Variants in HRK observed in about 807,000 individuals in gnomAD.
The protein encoded by HRK is activator of apoptosis harakiri.
HRK carries 6 observed loss-of-function variants against 5.9 expected under a neutral mutation model. That is an observed-to-expected ratio of 1.02 (90% CI 0.56 to 2.01). The LOEUF is 2.01. Among genes scored for constraint, HRK ranks in the 30% most tolerant of loss-of-function variants. HRK has a pLI of 0.00. For missense variants in HRK, 133 were observed against 128.3 expected, an observed-to-expected ratio of 1.04 and a Z score of -0.18; for synonymous variants, 85 against 65.1, an observed-to-expected ratio of 1.31 and a Z score of -1.47.
At chr12:116,875,128 T>G (rs762471488) in intron 1 of HRK, among the ~76,000 whole-genome samples, 5 of 152,204 alleles carry the variant, frequency 3.3e-5, no homozygotes, top group Non-Finnish European at 7.3e-5. Flanking sequence ...TTACATTGTA[T>G]TGGGTATTAT....
In HRK at chr12:116,880,993, TG is replaced by T; in HGVS notation, c.*38del. ...TCGCGTACCTGTTGCTCGCTCCGGC[TG>T]GGTCTCGGCTCCGGCCCCACCAAGA... On this transcript the variant is annotated 3_prime_UTR_variant, in exon 1 of 2. Transcript: ENST00000257572. 1.6e-6 allele frequency: 2 copies of T among 1,255,472 alleles called. No individual in the cohort carries two copies. Among genetic ancestry groups the T allele is most frequent in the Non-Finnish European group, 1.0e-6 (1 of 988,732 alleles). The allele number at this position is 1,255,472 out of a possible 1,614,324, so 77.8% of individuals were successfully genotyped here. A position where few individuals can be genotyped will look rare whatever the true frequency, so the allele number is the denominator to read the frequency against.
At position 116,857,948 on chromosome 12, in the gene HRK, G is replaced by A. The variant is rs897873094; in HGVS notation, c.*3575C>T. On this transcript the variant is annotated 3_prime_UTR_variant, in exon 2 of 2. Coordinates refer to ENST00000257572, the MANE Select transcript of HRK (RefSeq NM_003806.4). The stretch of plus-strand genomic sequence containing the variant: ...GGGTGCCTGTAATCCCAGCTACTCA[G>A]GAGGCTGAGGCAGGAGAATCGCTTG... 1.3e-5 allele frequency: 2 copies of A among 152,184 alleles called. No homozygotes were observed. Among genetic ancestry groups the A allele is most frequent in the African/African-American group, 4.8e-5 (2 of 41,400 alleles). The allele number at this position is 152,184 out of a possible 1,614,324, so 9.4% of individuals were successfully genotyped here.
In HRK at chr12:116,879,358, T is replaced by C. The variant is rs554759298; in HGVS notation, c.*56+1618A>G. The stretch of plus-strand genomic sequence containing the variant: ...TCCCCAAACTTCTTGTCCCTCCCCA[T>C]CTCGTCGCTTGTTTTTTCTCTTCCT... On this transcript the variant is annotated intron_variant, in intron 1 of 1. Coordinates refer to ENST00000257572, the MANE Select transcript of HRK (RefSeq NM_003806.4). The surrounding 1 kb of genome is among the most constrained non-coding windows in gnomAD (Gnocchi z 5.6). 1.3e-5 allele frequency: 2 copies of C among 152,412 alleles called. No individual in the cohort carries two copies. The highest frequency in any genetic ancestry group is 4.1e-4 in the South Asian group (2 of 4,826). The allele number at this position is 152,412 out of a possible 1,614,324, so 9.4% of individuals were successfully genotyped here.
chr12:116,881,050 G>T lies in HRK; in HGVS notation c.258C>A (p.Leu86=), dbSNP rs1372439574. ...AQVAALAAWL[L]GRRNL ...CGCGTTCCTACAAGTTCCGCCTGCC[G>T]AGCAGCCAGGCCGCCAGCGCCGCCA... Residue 86 remains leucine (L), a synonymous_variant, in exon 1 of 2, where the codon CTC becomes CTA. Transcript: ENST00000257572. 1 of 1,358,128 alleles carries T rather than the reference G, an allele frequency of 7.4e-7. No homozygotes were observed. Among genetic ancestry groups the T allele is most frequent in the Non-Finnish European group, 9.5e-7 (1 of 1,055,258 alleles). 84.1% of individuals were successfully genotyped at this position (1,358,128 alleles called of 1,614,324 possible).
chr12:116,865,261 G>C (rs942047838), intron 1 of HRK, among the ~76,000 whole-genome samples: 7 of 152,138 alleles, frequency 4.6e-5, no homozygotes, highest in African/African-American at 1.7e-4. Context: ...AAAAACCTTG[G>C]CCGGGTGTGG....
chr12:116,879,768 C>T lies in HRK; in HGVS notation c.*56+1208G>A, dbSNP rs1879073368. On this transcript the variant is annotated intron_variant, in intron 1 of 1. Coordinates refer to ENST00000257572, the MANE Select transcript of HRK (RefSeq NM_003806.4). The surrounding 1 kb of genome is among the most constrained non-coding windows in gnomAD (Gnocchi z 5.6). ...CCCACGCTCCGGCTGCCGCCTTTCC[C>T]CGCGGGCGCAGACGCTCGGGCCTCG... Among the ~76,000 whole-genome samples, 1 of 152,224 alleles carries T rather than the reference C, an allele frequency of 6.6e-6. No homozygotes were observed.
At position 116,881,435 on chromosome 12, in the gene HRK, G is replaced by A. The variant is rs1879157614; in HGVS notation, c.-128C>T. Reference sequence around the variant, plus strand: ...CCCTGGACACCAAGTTTCTCCTTGTGTTGTGCGTTTGTTGTGCTGACGGCG... The same window carrying A: ...CCCTGGACACCAAGTTTCTCCTTGTATTGTGCGTTTGTTGTGCTGACGGCG... On this transcript the variant is annotated 5_prime_UTR_variant, in exon 1 of 2. Transcript: ENST00000257572. 2.4e-6 allele frequency: 2 copies of A among 819,180 alleles called. No homozygotes were observed. The highest frequency in any genetic ancestry group is 1.9e-5 in the African/African-American group (1 of 53,614). 50.7% of individuals were successfully genotyped at this position (819,180 alleles called of 1,614,324 possible). A position where few individuals can be genotyped will look rare whatever the true frequency, so the allele number is the denominator to read the frequency against.
intron 1 of HRK, among the ~76,000 whole-genome samples, chr12:116,877,667 T>C (rs1878986062): frequency 1.3e-5 from 2 of 152,232 alleles, no homozygotes; most frequent in Non-Finnish European, 2.9e-5. Context: ...GTATATCCAC[T>C]GTTCTAGAGC....
At chr12:116,876,671 C>T (rs1332230822) in intron 1 of HRK, 1 of 152,300 alleles carries the variant, frequency 6.6e-6, no homozygotes, top group Non-Finnish European at 1.5e-5. Context: ...CCTCCCACGC[C>T]TCCGCCAGCC....
rs1465956265 is a variant in HRK, at chr12:116,878,773, GAGA to G, written c.*56+2200_*56+2202del. ...CGCCCGGGCGGGACAAGGCAGGTAG[GAGA>G]AGAACCCAGAGGTGTGGGAAGAGGG... On this transcript the variant is annotated intron_variant, in intron 1 of 1. Transcript: ENST00000257572. This position sits in a 1 kb window ranked among gnomAD's most constrained non-coding sequence, Gnocchi z 4.4. Among the ~76,000 whole-genome samples the G allele has an allele frequency of 6.6e-6, 1 of 152,200 alleles. No homozygotes were observed. Among genetic ancestry groups the G allele is most frequent in the Non-Finnish European group, 1.5e-5 (1 of 68,020 alleles).
In HRK at chr12:116,862,623, T is replaced by A. The variant is rs1427513436; in HGVS notation, c.*57-1157A>T. Among the ~76,000 whole-genome samples the A allele has an allele frequency of 6.6e-6, 1 of 152,100 alleles. No individual in the cohort carries two copies. Among genetic ancestry groups the A allele is most frequent in the East Asian group, 1.9e-4 (1 of 5,180 alleles). On this transcript the variant is annotated intron_variant, in intron 1 of 1. Transcript: ENST00000257572. The surrounding 1 kb of genome is among the most constrained non-coding windows in gnomAD (Gnocchi z 4.0). ...GGGGTTTCTTTCAGGGAAACGAAAA[T>A]TTTCCAAAGTTGACTGTGAAGATGG...
chr12:116,881,403 G>A lies in HRK; in HGVS notation c.-96C>T, dbSNP rs1879155751. ...GCTGCCGCCGCGCTCCAGCCGCCGG[G>A]GGCCTCCCCTGGACACCAAGTTTCT... On this transcript the variant is annotated 5_prime_UTR_variant, in exon 1 of 2. Transcript: ENST00000257572. 1.0e-6 allele frequency: 1 copy of A among 988,336 alleles called. No homozygotes were observed. Among genetic ancestry groups the A allele is most frequent in the Non-Finnish European group, 1.2e-6 (1 of 826,106 alleles). The allele number at this position is 988,336 out of a possible 1,614,324, so 61.2% of individuals were successfully genotyped here.
intron 1 of HRK, among the ~76,000 whole-genome samples, chr12:116,877,914 AATT>A (rs1243198549): frequency 2.0e-5 from 3 of 152,224 alleles, no homozygotes; most frequent in African/African-American, 7.2e-5. Flanking sequence ...ATATGTTTTA[AATT>A]ATTATTGAGA....
rs1879080135 is a variant in HRK at position 116,879,895 on chromosome 12, C to T, written c.*56+1081G>A. Among the ~76,000 whole-genome samples the T allele has an allele frequency of 6.6e-6, 1 of 152,220 alleles. No homozygotes were observed. Among genetic ancestry groups the T allele is most frequent in the Admixed American group, 6.5e-5 (1 of 15,286 alleles). ...TGGCTATGTCACCTTCGAGCTTCAC[C>T]TTCCGGCCCTAGACCCATCTATGGT... On this transcript the variant is annotated intron_variant, in intron 1 of 1. Coordinates refer to ENST00000257572, the MANE Select transcript of HRK (RefSeq NM_003806.4). The surrounding 1 kb of genome is among the most constrained non-coding windows in gnomAD (Gnocchi z 5.6).
Position 116,864,501 on chromosome 12 carries a change from G to A in HRK, c.*57-3035C>T, listed in dbSNP as rs139468148. 1.1e-4 allele frequency among the ~76,000 whole-genome samples: 16 copies of A among 152,266 alleles called. No individual in the cohort carries two copies. The East Asian group carries it at 2.7e-3, about 26-fold the overall frequency. ...ACAATTACCAGGGAAGCTTCAGCGC[G>A]GACCCAGGATTTGATCAGGACCTAG... On this transcript the variant is annotated intron_variant, in intron 1 of 1. Coordinates refer to ENST00000257572, the MANE Select transcript of HRK (RefSeq NM_003806.4).
At chr12:116,880,216 C>CG (rs1879093564) in intron 1 of HRK, among the ~76,000 whole-genome samples, 1 of 152,240 alleles carries the variant, frequency 6.6e-6, no homozygotes, top group Non-Finnish European at 1.5e-5. Context: ...TTCCTTAAGG[C>CG]TTCCCATTGG....
intron 1 of HRK, among the ~76,000 whole-genome samples, chr12:116,874,320 A>G (rs1246719483): frequency 6.6e-6 from 1 of 152,108 alleles, no homozygotes; most frequent in Non-Finnish European, 1.5e-5. Context: ...CTCTCTTCCC[A>G]AAACACCTTT....
intron 1 of HRK, among the ~76,000 whole-genome samples, chr12:116,863,244 C>T (rs1878428761): frequency 1.3e-5 from 2 of 152,126 alleles, no homozygotes; most frequent in Non-Finnish European, 1.5e-5. Flanking sequence ...CAGCTGGTAC[C>T]CTTGACTTCT....
At chr12:116,865,597 T>G (rs550962549) in intron 1 of HRK, among the ~76,000 whole-genome samples, 1 of 152,122 alleles carries the variant, frequency 6.6e-6, no homozygotes, top group Non-Finnish European at 1.5e-5. Flanking sequence ...AGTGATAAGT[T>G]ACAAATTCAA....
Sources: gnomAD v4.1 joint callset for allele counts (sites outside exome capture counted in the v4.1 genomes callset) on GRCh38, gnomAD v4.1.1 for gene constraint, Gnocchi (gnomAD v3.1) non-coding constraint, MANE v1.5 for transcripts, NCBI Gene and HGNC (gene_info 2026-07-23, HGNC 2026-07-21) for gene names.